SLC10A7: variants seen among roughly 807,000 people sequenced by gnomAD.
SLC10A7 encodes sodium/bile acid cotransporter 7.
In SLC10A7, 29 loss-of-function variants were observed where a neutral mutation model predicts 43.2. The ratio of observed to expected loss-of-function variants is 0.67; its 90% CI spans 0.50 to 0.92. The LOEUF (loss-of-function observed/expected upper bound fraction) is 0.92. Among genes scored for constraint, SLC10A7 ranks in the 40% least tolerant of loss-of-function variants. The pLI is 0.00. For synonymous variants in SLC10A7, 152 were observed against 144.8 expected (o/e 1.05, Z -0.35); for missense variants, 295 against 403.2 (o/e 0.73, Z 2.30).
intron 5 of SLC10A7, among the ~76,000 whole-genome samples, chr4:146,414,550 C>A (rs1003122867): frequency 6.6e-6 from 1 of 151,932 alleles, no homozygotes; most frequent in Non-Finnish European, 1.5e-5. Flanking sequence ...ATGGTGAAAC[C>A]CTGTCTCTAC....
intron 5 of SLC10A7, among the ~76,000 whole-genome samples, chr4:146,363,980 A>G (rs1736225821): frequency 6.6e-6 from 1 of 152,046 alleles, no homozygotes; most frequent in South Asian, 2.1e-4. Context: ...CAAAATTAAT[A>G]GAGGAAAAGA....
intron 5 of SLC10A7, among the ~76,000 whole-genome samples, chr4:146,331,159 G>A (rs529551752): frequency 1.3e-5 from 2 of 151,984 alleles, no homozygotes; most frequent in East Asian, 1.9e-4. Context: ...TCTCTTAGAC[G>A]TACACTCACC....
rs1365682855 is a variant in SLC10A7 at position 146,283,191 on chromosome 4, C to T, written c.847+1G>A. 3.7e-6 allele frequency: 6 copies of T among 1,611,432 alleles called. No homozygotes were observed. The highest frequency in any genetic ancestry group is 5.1e-6 in the Non-Finnish European group (6 of 1,178,022). Reference sequence around the variant, plus strand: ...GGTTTTTAACTCTGTGAATCACTTACCCAATGTAAGGGATTTGTGTGTAGA... The same window carrying T: ...GGTTTTTAACTCTGTGAATCACTTATCCAATGTAAGGGATTTGTGTGTAGA... On this transcript the variant is annotated splice_donor_variant, in intron 10 of 11. Transcript: ENST00000335472. LOFTEE classifies it high-confidence loss of function.
chr4:146,290,244 A>C (rs1399383946), intron 9 of SLC10A7, among the ~76,000 whole-genome samples: 1 of 150,380 alleles, frequency 6.6e-6, no homozygotes. Context: ...GAATGGCATG[A>C]ACCCAGGAGG....
At chr4:146,287,033 A>AGTTTGGAGTGGTGAGAAGGACTGT (rs1730053572) in intron 9 of SLC10A7, among the ~76,000 whole-genome samples, 1 of 79,060 alleles carries the variant, frequency 1.3e-5, no homozygotes. Context: ...AGAAGGACTG[A>AGTTTGGAGTGGTGAGAAGGACTGT]GTTTAGAGTG....
chr4:146,352,037 A>G (rs1735157088), intron 5 of SLC10A7, among the ~76,000 whole-genome samples: 1 of 112,664 alleles, frequency 8.9e-6, no homozygotes, highest in Non-Finnish European at 1.8e-5. Flanking sequence ...ACATAACAAT[A>G]TTAACTTTAA....
At chr4:146,375,394 A>G (rs1246301215) in intron 5 of SLC10A7, among the ~76,000 whole-genome samples, 2 of 152,066 alleles carry the variant, frequency 1.3e-5, no homozygotes, top group Non-Finnish European at 2.9e-5. Context: ...CTTTGCCTGG[A>G]ATGTTCTCCA....
chr4:146,322,572 T>C (rs556668208), intron 6 of SLC10A7, among the ~76,000 whole-genome samples: 3 of 152,256 alleles, frequency 2.0e-5, no homozygotes, highest in African/African-American at 7.2e-5. Context: ...TATGGCTGCA[T>C]AGTATTCCAT....
intron 5 of SLC10A7, among the ~76,000 whole-genome samples, chr4:146,384,091 C>T (rs1240209938): frequency 1.3e-5 from 2 of 152,078 alleles, no homozygotes; most frequent in African/African-American, 2.4e-5. Flanking sequence ...TGCTTTCCCA[C>T]GTGAGCAGTG....
intron 5 of SLC10A7, among the ~76,000 whole-genome samples, chr4:146,381,812 A>T (rs1737642133): frequency 6.6e-6 from 1 of 152,128 alleles, no homozygotes; most frequent in Non-Finnish European, 1.5e-5. Flanking sequence ...ACAGCCAGCC[A>T]TATTATCAAT....
intron 2 of SLC10A7, chr4:146,514,962 A>C: frequency 1.7e-6 from 1 of 580,790 alleles, no homozygotes; most frequent in South Asian, 2.2e-5. Flanking sequence ...TGCTGCTTAG[A>C]TACCACGATA....
Position 146,490,560 on chromosome 4 carries a change from A to G in SLC10A7, c.396+13289T>C, listed in dbSNP as rs1382557445. 7.2e-5 allele frequency among the ~76,000 whole-genome samples: 11 copies of G among 152,312 alleles called. No homozygotes were observed. The East Asian group carries it at 2.1e-3, about 29-fold the overall frequency. On this transcript the variant is annotated intron_variant, in intron 4 of 11. Coordinates refer to ENST00000335472, the MANE Select transcript of SLC10A7 (RefSeq NM_001029998.6). ...ATTTGAGAAGGTGTACCATTTTCAA[A>G]CCAGTGTGAACTTAAGGCAACTATA...
rs377394620 is a variant in SLC10A7, at chr4:146,271,599, A to C, written c.847+11593T>G. Among the ~76,000 whole-genome samples, 65 of 152,312 alleles carry C rather than the reference A, an allele frequency of 4.3e-4. 1 individual carries two copies. The South Asian group carries it at 0.013, about 31-fold the overall frequency. On this transcript the variant is annotated intron_variant, in intron 10 of 11. Coordinates refer to ENST00000335472, the MANE Select transcript of SLC10A7 (RefSeq NM_001029998.6). Reference sequence around the variant, plus strand: ...ACCATAGGGATCCTTTCAAAGTAGAAGTGAGATCTTGTCCCTCATCAATTC... The same window carrying C: ...ACCATAGGGATCCTTTCAAAGTAGACGTGAGATCTTGTCCCTCATCAATTC...
rs1280964480 is a variant in SLC10A7, at chr4:146,283,247, T to A, written c.792A>T (p.Thr264=). 1 of 1,613,330 alleles carries A rather than the reference T, an allele frequency of 6.2e-7. No homozygotes were observed. The highest frequency in any genetic ancestry group is 1.3e-5 in the African/African-American group (1 of 74,900). Residue 264 remains threonine (T), a synonymous_variant, in exon 10 of 12, where the codon ACA becomes ACT. Coordinates refer to ENST00000335472, the MANE Select transcript of SLC10A7 (RefSeq NM_001029998.6). The part of the protein sequence containing the change: ...IFSTRNNSGF[T]PADTVAIIFC... ...AAATGATAGCCACTGTGTCTGCTGGTGTGAAACCCGAATTATTCCTAGGGG... is the reference window on the plus strand; with the variant it reads ...AAATGATAGCCACTGTGTCTGCTGGAGTGAAACCCGAATTATTCCTAGGGG...
chr4:146,339,389 C>T (rs4835033), intron 5 of SLC10A7, among the ~76,000 whole-genome samples: 33,881 of 151,752 alleles, frequency 0.22, 4,045 homozygotes, highest in African/African-American at 0.31. Context: ...CTACACTTGC[C>T]TTGTTTCATA....
chr4:146,511,843 A>T (rs1240089252), intron 2 of SLC10A7, among the ~76,000 whole-genome samples: 1 of 152,186 alleles, frequency 6.6e-6, no homozygotes, highest in African/African-American at 2.4e-5. Flanking sequence ...ACAGCCTTGA[A>T]GCCAAATCTC....
intron 9 of SLC10A7, among the ~76,000 whole-genome samples, chr4:146,286,246 T>C (rs62327814): frequency 0.087 from 1,291 of 14,866 alleles, 5 homozygotes; most frequent in Middle Eastern, 0.2. Context: ...GTGAGAAGGA[T>C]CATGTTTGGA....
chr4:146,307,253 A>C (rs563664393), intron 6 of SLC10A7, among the ~76,000 whole-genome samples: 1 of 152,172 alleles, frequency 6.6e-6, no homozygotes, highest in Non-Finnish European at 1.5e-5. Context: ...TGTTCATTGA[A>C]AACCAGCTTC....
intron 5 of SLC10A7, among the ~76,000 whole-genome samples, chr4:146,410,018 T>C (rs974119052): frequency 2.6e-5 from 4 of 152,274 alleles, no homozygotes; most frequent in African/African-American, 9.6e-5. Flanking sequence ...ATGTTAATAG[T>C]TTACTTAGTT....
Sources: gnomAD v4.1 joint callset for allele counts (sites outside exome capture counted in the v4.1 genomes callset) on GRCh38, gnomAD v4.1.1 for gene constraint, MANE v1.5 for transcripts, NCBI Gene and HGNC (gene_info 2026-07-23, HGNC 2026-07-21) for gene names.